ADGRL3: variants seen among roughly 807,000 people sequenced by gnomAD.
ADGRL3 encodes the protein adhesion G protein-coupled receptor L3, also known as calcium-independent alpha-latrotoxin receptor 3.
Under a neutral mutation model 153.5 loss-of-function variants are expected in ADGRL3, and 62 were observed. The ratio of observed to expected loss-of-function variants is 0.40; its 90% CI spans 0.33 to 0.50. The LOEUF is 0.50. Ranked by LOEUF, ADGRL3 falls within the 20% of genes least tolerant of loss-of-function variation. The pLI is 0.47. For missense variants in ADGRL3, 1,641 were observed against 1,859.4 expected, an observed-to-expected ratio of 0.88 and a Z score of 2.16; for synonymous variants, 710 against 672.5, an observed-to-expected ratio of 1.06 and a Z score of -0.86.
At chr4:61,907,664 T>C (rs2098702682) in intron 11 of ADGRL3, among the ~76,000 whole-genome samples, 1 of 151,436 alleles carries the variant, frequency 6.6e-6, no homozygotes, top group African/African-American at 2.4e-5. Flanking sequence ...TGATATATGA[T>C]AAAAAGAGAT....
At chr4:61,792,435 A>G (rs1354644911) in intron 8 of ADGRL3, among the ~76,000 whole-genome samples, 1 of 151,358 alleles carries the variant, frequency 6.6e-6, no homozygotes, top group Admixed American at 6.6e-5. Flanking sequence ...AAGCCATTCA[A>G]CAAGTATCTA....
At chr4:61,797,167 A>G (rs1490359688) in intron 8 of ADGRL3, among the ~76,000 whole-genome samples, 1 of 152,188 alleles carries the variant, frequency 6.6e-6, no homozygotes, top group East Asian at 1.9e-4. Flanking sequence ...AGTTCCTCAA[A>G]AGCCTTGTGC....
At chr4:61,809,818 TA>T (rs2097589087) in intron 8 of ADGRL3, among the ~76,000 whole-genome samples, 3 of 151,986 alleles carry the variant, frequency 2.0e-5, no homozygotes, top group Admixed American at 2.0e-4. Context: ...CTAGTAATAA[TA>T]ACAGCTAAAA....
chr4:61,553,301 C>T (rs1284081230), intron 4 of ADGRL3, among the ~76,000 whole-genome samples: 1 of 151,944 alleles, frequency 6.6e-6, no homozygotes, highest in Non-Finnish European at 1.5e-5. Flanking sequence ...CATCTCTGTA[C>T]CTAAAATATA....
intron 8 of ADGRL3, among the ~76,000 whole-genome samples, chr4:61,777,174 A>C (rs2097161405): frequency 6.6e-6 from 1 of 152,106 alleles, no homozygotes; most frequent in African/African-American, 2.4e-5. Context: ...CTCTACAAAA[A>C]TACAAAAAAT....
rs1242289094 is a variant in ADGRL3, at chr4:61,704,428, TA to T, written c.584-26193del. 4.6e-5 allele frequency among the ~76,000 whole-genome samples: 7 copies of T among 152,328 alleles called. No homozygotes were observed. The East Asian group carries it at 1.2e-3, about 25-fold the overall frequency. On this transcript the variant is annotated intron_variant, in intron 6 of 26. Coordinates refer to ENST00000683033, the MANE Select transcript of ADGRL3 (RefSeq NM_001387552.1). Reference sequence around the variant, plus strand: ...TGCAATGGTATTTATGTCTAAAAAATACATACCTTAATTAAAAATATTTTAT... The same window carrying T: ...TGCAATGGTATTTATGTCTAAAAAATCATACCTTAATTAAAAATATTTTAT...
chr4:62,031,655 A>T (rs770153641), intron 23 of ADGRL3, 45 bp downstream of exon 23: 9 of 1,371,360 alleles, frequency 6.6e-6, no homozygotes, highest in Non-Finnish European at 8.1e-6. Flanking sequence ...CATACATTTC[A>T]TGATAGCAAA....
chr4:61,548,580 G>C (rs1035022239), intron 4 of ADGRL3, among the ~76,000 whole-genome samples: 5 of 151,914 alleles, frequency 3.3e-5, no homozygotes, highest in Admixed American at 2.0e-4. Flanking sequence ...AAGATCATAT[G>C]GTTACCTATG....
chr4:61,720,871 C>T (rs1466822884), intron 6 of ADGRL3, among the ~76,000 whole-genome samples: 1 of 152,112 alleles, frequency 6.6e-6, no homozygotes, highest in Non-Finnish European at 1.5e-5. Flanking sequence ...GAGCATAGCA[C>T]AGAGGTTTAG....
chr4:61,910,622 A>G (rs917462444), intron 12 of ADGRL3, among the ~76,000 whole-genome samples: 2 of 151,810 alleles, frequency 1.3e-5, no homozygotes, highest in African/African-American at 4.8e-5. Context: ...ATGTTCAATG[A>G]TTGAAACAAT....
chr4:62,049,628 G>A (rs1261954921), intron 25 of ADGRL3, among the ~76,000 whole-genome samples: 1 of 152,060 alleles, frequency 6.6e-6, no homozygotes, highest in Admixed American at 6.6e-5. Context: ...ATTTTTAAGG[G>A]TAAATTTTGG....
At chr4:61,205,605 T>G (rs983952070) in intron 1 of ADGRL3, among the ~76,000 whole-genome samples, 2 of 152,204 alleles carry the variant, frequency 1.3e-5, no homozygotes, top group African/African-American at 4.8e-5. Flanking sequence ...TATATTTATG[T>G]CTTCTTATTT....
intron 9 of ADGRL3, among the ~76,000 whole-genome samples, chr4:61,870,755 A>G (rs1260270544): frequency 6.6e-6 from 1 of 152,202 alleles, no homozygotes; most frequent in African/African-American, 2.4e-5. Flanking sequence ...CCACTTCAAA[A>G]TCACTAGATG....
chr4:61,929,397 A>G (rs932228707), intron 13 of ADGRL3, among the ~76,000 whole-genome samples: 1 of 152,190 alleles, frequency 6.6e-6, no homozygotes, highest in Non-Finnish European at 1.5e-5. Context: ...GCCCAAATGG[A>G]CTAAGAGCCC....
In ADGRL3 at chr4:61,584,043, A is replaced by G. The variant is rs960289165; in HGVS notation, c.260-3184A>G. On this transcript the variant is annotated intron_variant, in intron 4 of 26. Transcript: ENST00000683033. ...CTAACCAAGTCTTTCCATTAGTAGC[A>G]TGATAACTGAATGGCAAAAAACTTT... 2.0e-5 allele frequency among the ~76,000 whole-genome samples: 3 copies of G among 151,706 alleles called. No homozygotes were observed. In the Admixed American group the frequency reaches 2.0e-4, roughly 10 times the overall value.
intron 1 of ADGRL3, among the ~76,000 whole-genome samples, chr4:61,217,286 G>T (rs956012718): frequency 6.6e-6 from 1 of 152,164 alleles, no homozygotes; most frequent in African/African-American, 2.4e-5. Context: ...GCCTGAGCTG[G>T]GTGGTGAGTG....
rs764455809 is a variant in ADGRL3, at chr4:61,813,890, G to A, written c.1480+1G>A. 11 of 1,606,780 alleles carry A rather than the reference G, an allele frequency of 6.8e-6. No individual in the cohort carries two copies. Among genetic ancestry groups the A allele is most frequent in the Non-Finnish European group, 6.8e-6 (8 of 1,173,582 alleles). On this transcript the variant is annotated splice_donor_variant, in intron 9 of 26. Coordinates refer to ENST00000683033, the MANE Select transcript of ADGRL3 (RefSeq NM_001387552.1). LOFTEE classifies it high-confidence loss of function. ...GAGCTAGAAAGACCCTCTGTTAAAG[G>A]TGAGTTTTTCTTTATATGAAGAAAA... is the stretch of plus-strand genomic sequence containing the variant.
At chr4:61,775,903 A>ATT (rs1431499904) in intron 8 of ADGRL3, 12 of 247,000 alleles carry the variant, frequency 4.9e-5, no homozygotes, top group Admixed American at 1.6e-4. Flanking sequence ...TTATTTATTT[A>ATT]TTTATTTATT....
intron 26 of ADGRL3, 115 bp downstream of exon 26, chr4:62,068,298 A>T (rs1414385506): frequency 2.1e-6 from 2 of 938,512 alleles, no homozygotes; most frequent in Admixed American, 5.5e-5. Flanking sequence ...CAATTTAAAA[A>T]CTAAAAAGCC....
Sources: allele counts gnomAD v4.1 joint callset (sites outside exome capture counted in the v4.1 genomes callset), GRCh38; gene constraint gnomAD v4.1.1; transcripts MANE v1.5; gene names NCBI Gene and HGNC (gene_info 2026-07-23, HGNC 2026-07-21).